The following NCOA1 variants were observed in gnomAD, a reference collection of about 807,000 sequenced individuals.
NCOA1 encodes Hin-2 protein.
In NCOA1, 35 loss-of-function variants were observed where a neutral mutation model predicts 150.9. The observed-to-expected ratio is 0.23, with a 90% CI of 0.18 to 0.31. The LOEUF is 0.31. Ranked by LOEUF, NCOA1 falls within the 10% of genes least tolerant of loss-of-function variation. The probability of loss-of-function intolerance (pLI) is 1.00; values close to 1 mark genes in which losing one functional copy is unlikely to be tolerated. For missense variants in NCOA1, 1,491 were observed against 1,749.3 expected, an observed-to-expected ratio of 0.85 and a Z score of 2.63; for synonymous variants, 590 against 630.0, an observed-to-expected ratio of 0.94 and a Z score of 0.95.
rs115195149 is a variant in NCOA1, at chr2:24,558,859, G to A, written c.-395-5436G>A. Among the ~76,000 whole-genome samples the A allele has an allele frequency of 5.6e-3, 845 of 152,170 alleles. 8 individuals are homozygous for A. The highest frequency in any genetic ancestry group is 0.019 in the African/African-American group (800 of 41,508). On this transcript the variant is annotated intron_variant, in intron 1 of 22. Transcript: ENST00000348332. ...GTGTGATCTGATTGGATCCTGTCTT[G>A]GGGTAATGCCAGGGCTTGATCTCGT...
intron 3 of NCOA1, among the ~76,000 whole-genome samples, chr2:24,641,624 A>AT (rs1558865936): frequency 2.0e-5 from 3 of 152,158 alleles, no homozygotes; most frequent in Admixed American, 6.5e-5. Flanking sequence ...TGGATGTAGA[A>AT]TTGTGGGTTG....
chr2:24,512,619 G>A (rs534275691), intron 1 of NCOA1, among the ~76,000 whole-genome samples: 2 of 152,138 alleles, frequency 1.3e-5, no homozygotes, highest in East Asian at 3.9e-4. Context: ...GTGGTGCAGC[G>A]TGGTACAGAG....
chr2:24,644,475 A>G (rs552421230), intron 4 of NCOA1, among the ~76,000 whole-genome samples: 190 of 152,228 alleles, frequency 1.2e-3, no homozygotes, highest in African/African-American at 2.9e-3. Context: ...ATTACATAAT[A>G]TATACCTATA....
chr2:24,563,081 G>A (rs1459353597), intron 1 of NCOA1, among the ~76,000 whole-genome samples: 1 of 152,192 alleles, frequency 6.6e-6, no homozygotes, highest in Non-Finnish European at 1.5e-5. Context: ...GAGTTGGTCA[G>A]TGATGGTCAG....
At chr2:24,598,614 G>T (rs1025091728) in intron 3 of NCOA1, among the ~76,000 whole-genome samples, 3 of 152,122 alleles carry the variant, frequency 2.0e-5, no homozygotes, top group Non-Finnish European at 4.4e-5. Context: ...CTTGGGGAAG[G>T]AAGGACAGGG....
intron 1 of NCOA1, among the ~76,000 whole-genome samples, chr2:24,557,356 C>G (rs767972888): frequency 5.3e-5 from 8 of 152,060 alleles, no homozygotes; most frequent in Non-Finnish European, 7.4e-5. Context: ...CATTTTACTT[C>G]TATATGTTAC....
chr2:24,753,076 C>A (rs1426692856), intron 20 of NCOA1, among the ~76,000 whole-genome samples: 1 of 152,134 alleles, frequency 6.6e-6, no homozygotes, highest in Non-Finnish European at 1.5e-5. Context: ...GAGAGAAAAT[C>A]TTCATGTTAG....
chr2:24,619,295 A>G (rs890620655), intron 3 of NCOA1, among the ~76,000 whole-genome samples: 5 of 152,230 alleles, frequency 3.3e-5, no homozygotes, highest in African/African-American at 7.2e-5. Context: ...GAAAGCTTAC[A>G]TGAAACTGAA....
intron 2 of NCOA1, among the ~76,000 whole-genome samples, chr2:24,567,050 AC>A (rs1666543578): frequency 2.6e-5 from 4 of 152,062 alleles, no homozygotes; most frequent in Admixed American, 2.6e-4. Flanking sequence ...TCCTACACTT[AC>A]CCCACTGCAG....
At chr2:24,647,849 A>G (rs1188309513) in intron 4 of NCOA1, among the ~76,000 whole-genome samples, 1 of 152,248 alleles carries the variant, frequency 6.6e-6, no homozygotes, top group East Asian at 1.9e-4. Flanking sequence ...ATATTTGAGA[A>G]GTACTGTACT....
intron 5 of NCOA1, among the ~76,000 whole-genome samples, chr2:24,662,217 T>G (rs1671214920): frequency 6.6e-6 from 1 of 152,228 alleles, no homozygotes; most frequent in Non-Finnish European, 1.5e-5. Context: ...CACAGATCCT[T>G]GGATAGGAGT....
At chr2:24,734,517 G>C (rs1224084401) in intron 17 of NCOA1, among the ~76,000 whole-genome samples, 1 of 152,172 alleles carries the variant, frequency 6.6e-6, no homozygotes, top group Non-Finnish European at 1.5e-5. Context: ...AAACCAGGCT[G>C]GATGTGATGG....
At chr2:24,586,794 A>C (rs1667431117) in intron 3 of NCOA1, among the ~76,000 whole-genome samples, 4 of 152,024 alleles carry the variant, frequency 2.6e-5, no homozygotes, top group African/African-American at 7.2e-5. Flanking sequence ...CACATATGCA[A>C]CTTGGAATTA....
rs1316231036 is a variant in NCOA1, at chr2:24,741,815, G to A, written c.3335G>A (p.Arg1112His). 20 of 1,613,594 alleles carry A rather than the reference G, an allele frequency of 1.2e-5. No homozygotes were observed. The highest frequency in any genetic ancestry group is 1.6e-5 in the Non-Finnish European group (19 of 1,179,834). The change falls in exon 19 of 23, where the codon CGT (arginine) becomes CAT (histidine). Residue 1112 changes from arginine (R) to histidine (H), a missense_variant. Coordinates refer to ENST00000348332, the MANE Select transcript of NCOA1 (RefSeq NM_003743.5). ...PPLNAQMLAQ[R>H]QRELYSQQHR... ...CTGAATGCTCAAATGTTGGCACAAC[G>A]TCAGCGGGAACTGTACAGTCAACAG...
At chr2:24,519,088 G>A (rs1664316908) in intron 1 of NCOA1, among the ~76,000 whole-genome samples, 2 of 152,190 alleles carry the variant, frequency 1.3e-5, no homozygotes, top group Non-Finnish European at 2.9e-5. Context: ...TAAAACTATA[G>A]TAATCACAAT....
chr2:24,757,081 C>T (rs1025941251), intron 20 of NCOA1, among the ~76,000 whole-genome samples: 2 of 152,096 alleles, frequency 1.3e-5, no homozygotes, highest in South Asian at 2.1e-4. Context: ...ATATTGAAAG[C>T]GACCAGAAGA....
intron 14 of NCOA1, among the ~76,000 whole-genome samples, chr2:24,713,451 G>C (rs774595932): frequency 6.6e-6 from 1 of 152,042 alleles, no homozygotes; most frequent in African/African-American, 2.4e-5. Context: ...ATAAAGAAAA[G>C]ATTCTAAAAC....
intron 22 of NCOA1, among the ~76,000 whole-genome samples, chr2:24,763,765 C>T (rs1368460905): frequency 1.4e-4 from 21 of 151,008 alleles, no homozygotes; most frequent in African/African-American, 5.1e-4. Flanking sequence ...GGATTATAGG[C>T]GCCCGCCACC....
Position 24,707,472 on chromosome 2 carries a change from T to A in NCOA1, c.2002T>A (p.Ser668Thr), listed in dbSNP as rs961920651. The change falls in exon 13 of 23, where the codon TCT becomes ACT. Residue 668 changes from serine to threonine, a missense_variant. Physicochemically the swap from Ser to Thr is moderately conservative, Grantham distance 58 (BLOSUM62 1). This residue lies in a region of NCOA1 where 703 missense variants were observed against 717.7 expected (regional missense o/e 0.98). Coordinates refer to ENST00000348332, the MANE Select transcript of NCOA1 (RefSeq NM_003743.5). ...LSCTGTSNSA[S>T]ANSSGGSCPS... ...TTGCACAGGCACTTCCAACTCTGCCTCTGCTAACTCTTCAGGAGGTTCTTG... is the reference window on the plus strand; with the variant it reads ...TTGCACAGGCACTTCCAACTCTGCCACTGCTAACTCTTCAGGAGGTTCTTG... 6.8e-6 allele frequency: 11 copies of A among 1,614,120 alleles called. No homozygotes were observed. The highest frequency in any genetic ancestry group is 1.3e-5 in the African/African-American group (1 of 74,946).
Sources: gnomAD v4.1 joint callset for allele counts (sites outside exome capture counted in the v4.1 genomes callset) on GRCh38, gnomAD v4.1.1 for gene constraint, gnomAD v4.1.1 regional missense constraint, MANE v1.5 for transcripts, NCBI Gene and HGNC (gene_info 2026-07-23, HGNC 2026-07-21) for gene names.